Variants in LHFPL3 observed in about 807,000 individuals in gnomAD.
The protein encoded by LHFPL3 is LHFPL tetraspan subfamily member 3 protein.
A neutral mutation model predicts 19.3 loss-of-function variants in LHFPL3; 5 were observed. That is an observed-to-expected ratio of 0.26 (90% confidence interval 0.14 to 0.54). The LOEUF is 0.54. Ranked by LOEUF, LHFPL3 falls within the 20% of genes least tolerant of loss-of-function variation. The pLI is 0.94. For missense variants in LHFPL3, 249 were observed against 307.4 expected, an observed-to-expected ratio of 0.81 and a Z score of 1.42; for synonymous variants, 133 against 126.2, an observed-to-expected ratio of 1.05 and a Z score of -0.36.
At chr7:104,815,466 A>G (rs1477737757) in intron 2 of LHFPL3, among the ~76,000 whole-genome samples, 2 of 152,166 alleles carry the variant, frequency 1.3e-5, no homozygotes, top group East Asian at 3.9e-4. Flanking sequence ...GTGCCTTTGT[A>G]TTTTGTGCAC....
At chr7:104,479,166 G>A (rs1793081534) in intron 1 of LHFPL3, among the ~76,000 whole-genome samples, 1 of 152,212 alleles carries the variant, frequency 6.6e-6, no homozygotes, top group South Asian at 2.1e-4. Context: ...TGAGAGGGGA[G>A]AAAAGAGTGG....
chr7:104,762,612 G>T (rs548806282), intron 2 of LHFPL3, among the ~76,000 whole-genome samples: 102 of 152,282 alleles, frequency 6.7e-4, no homozygotes, highest in African/African-American at 2.4e-3. Context: ...ATGTGATTGA[G>T]CCCAGAGCTG....
chr7:104,720,833 A>G (rs866500365), intron 1 of LHFPL3, among the ~76,000 whole-genome samples: 10 of 152,342 alleles, frequency 6.6e-5, no homozygotes, highest in Middle Eastern at 3.4e-3. Flanking sequence ...CAAAACCACA[A>G]TGAGATACCA....
intron 1 of LHFPL3, among the ~76,000 whole-genome samples, chr7:104,391,665 C>T (rs1001067685): frequency 6.6e-5 from 10 of 152,124 alleles, no homozygotes; most frequent in South Asian, 4.1e-4. Flanking sequence ...CTTGACAATG[C>T]GGGCCCTTTT....
intron 2 of LHFPL3, among the ~76,000 whole-genome samples, chr7:104,889,370 T>C (rs1792205236): frequency 6.6e-6 from 1 of 152,216 alleles, no homozygotes; most frequent in African/African-American, 2.4e-5. Context: ...CCGAGCGTGG[T>C]GGCTCACGCC....
intron 1 of LHFPL3, among the ~76,000 whole-genome samples, chr7:104,523,061 A>G (rs1361045176): frequency 6.7e-6 from 1 of 149,758 alleles, no homozygotes; most frequent in Non-Finnish European, 1.5e-5. Context: ...ATACATATAC[A>G]CATATATATA....
In LHFPL3 at chr7:104,328,800, T is replaced by TGCCGCC. The variant is rs745895032; in HGVS notation, c.36_41dup (p.Ala13_Ala14dup). ...GGAGAATGCCCGGAGCCGCCGCCGC[T>TGCCGCC]GCCGCCGCCGCCGCCGCCGCGATGC... is the stretch of plus-strand genomic sequence containing the variant. On this transcript the variant is annotated inframe_insertion, in exon 1 of 3. Coordinates refer to ENST00000424859, the MANE Select transcript of LHFPL3 (RefSeq NM_199000.3). This position sits in a 1 kb window ranked among gnomAD's most constrained non-coding sequence, Gnocchi z 4.6. 257 of 1,592,180 alleles carry TGCCGCC rather than the reference T, an allele frequency of 1.6e-4. No individual in the cohort carries two copies. The highest frequency in any genetic ancestry group is 5.0e-4 in the Middle Eastern group (3 of 5,980).
At chr7:104,343,254 C>T (rs1789992574) in intron 1 of LHFPL3, among the ~76,000 whole-genome samples, 1 of 151,736 alleles carries the variant, frequency 6.6e-6, no homozygotes, top group Admixed American at 6.6e-5. Flanking sequence ...GTGACTCTCA[C>T]CTGTAATCTC....
chr7:104,471,332 G>T (rs1321013763), intron 1 of LHFPL3, among the ~76,000 whole-genome samples: 2 of 152,226 alleles, frequency 1.3e-5, no homozygotes, highest in East Asian at 3.9e-4. Flanking sequence ...GTCAGTTGTG[G>T]GATGGAAATG....
intron 1 of LHFPL3, among the ~76,000 whole-genome samples, chr7:104,608,081 A>T (rs1280462137): frequency 3.9e-5 from 6 of 152,208 alleles, no homozygotes; most frequent in African/African-American, 2.4e-5. Flanking sequence ...TGTGGAAGTC[A>T]CTGCGGCGAT....
chr7:104,398,871 A>C (rs1051244838), intron 1 of LHFPL3, among the ~76,000 whole-genome samples: 1 of 152,042 alleles, frequency 6.6e-6, no homozygotes, highest in Non-Finnish European at 1.5e-5. Context: ...ACTCCCTTAG[A>C]AGCTACGTGT....
At chr7:104,539,593 A>C (rs2115870217) in intron 1 of LHFPL3, among the ~76,000 whole-genome samples, 1 of 152,316 alleles carries the variant, frequency 6.6e-6, no homozygotes. Context: ...TCAAGGAAGA[A>C]AATAGCCTTG....
At chr7:104,878,930 GCTT>G (rs1392179724) in intron 2 of LHFPL3, among the ~76,000 whole-genome samples, 1 of 152,180 alleles carries the variant, frequency 6.6e-6, no homozygotes, top group South Asian at 2.1e-4. Context: ...ATATAGAAAA[GCTT>G]CTAGTTGTCT....
chr7:104,438,350 G>A (rs1477928424), intron 1 of LHFPL3, among the ~76,000 whole-genome samples: 1 of 152,106 alleles, frequency 6.6e-6, no homozygotes, highest in Non-Finnish European at 1.5e-5. Context: ...AATTTTAAAA[G>A]TTACTCTGCC....
At chr7:104,673,520 T>C (rs1482709431) in intron 1 of LHFPL3, among the ~76,000 whole-genome samples, 2 of 152,226 alleles carry the variant, frequency 1.3e-5, no homozygotes, top group African/African-American at 4.8e-5. Context: ...ATGGACTACA[T>C]GAAATCTGAC....
intron 1 of LHFPL3, among the ~76,000 whole-genome samples, chr7:104,657,855 C>T (rs1389949949): frequency 2.0e-5 from 3 of 152,208 alleles, no homozygotes; most frequent in Non-Finnish European, 2.9e-5. Flanking sequence ...GCTGCTCTAA[C>T]AATAGTAAAT....
chr7:104,480,086 G>A (rs1028678674), intron 1 of LHFPL3, among the ~76,000 whole-genome samples: 4 of 152,180 alleles, frequency 2.6e-5, no homozygotes, highest in Admixed American at 6.5e-5. Context: ...ATGGATACAC[G>A]TATGAGAAGA....
chr7:104,454,919 A>G (rs1792511360), intron 1 of LHFPL3, among the ~76,000 whole-genome samples: 1 of 152,050 alleles, frequency 6.6e-6, no homozygotes, highest in African/African-American at 2.4e-5. Context: ...CTTTGTTACC[A>G]CTGTCTTGTC....
intron 1 of LHFPL3, among the ~76,000 whole-genome samples, chr7:104,567,770 T>A (rs1052491567): frequency 6.6e-6 from 1 of 152,170 alleles, no homozygotes; most frequent in African/African-American, 2.4e-5. Context: ...CTCCAGTTGA[T>A]CCTTGCCTCC....
Sources: gnomAD v4.1 joint callset for allele counts (sites outside exome capture counted in the v4.1 genomes callset) on GRCh38, gnomAD v4.1.1 for gene constraint, Gnocchi (gnomAD v3.1) non-coding constraint, MANE v1.5 for transcripts, NCBI Gene and HGNC (gene_info 2026-07-23, HGNC 2026-07-21) for gene names.